NEURL1: variants seen among roughly 807,000 people sequenced by gnomAD.
NEURL1 encodes E3 ubiquitin-protein ligase NEURL1.
Under a neutral mutation model 41.2 loss-of-function variants are expected in NEURL1, and 26 were observed. The ratio of observed to expected loss-of-function variants is 0.63; its 90% CI spans 0.46 to 0.87. NEURL1 has a LOEUF of 0.87. Ranked by LOEUF, NEURL1 falls within the 40% of genes least tolerant of loss-of-function variation. NEURL1 has a pLI of 0.00. For missense variants in NEURL1, 761 were observed against 871.1 expected, an observed-to-expected ratio of 0.87 and a Z score of 1.59; for synonymous variants, 400 against 402.3, an observed-to-expected ratio of 0.99 and a Z score of 0.07.
intron 1 of NEURL1, among the ~76,000 whole-genome samples, chr10:103,522,899 T>G (rs1021354539): frequency 1.3e-5 from 2 of 152,068 alleles, no homozygotes; most frequent in African/African-American, 4.8e-5. Context: ...GCTTTTGAAT[T>G]TTTTAGGGGC....
intron 1 of NEURL1, among the ~76,000 whole-genome samples, chr10:103,505,462 TG>T (rs2033925715): frequency 6.6e-6 from 1 of 152,134 alleles, no homozygotes; most frequent in Non-Finnish European, 1.5e-5. Context: ...TGACCTCAGG[TG>T]ATCTGTCCAC....
intron 3 of NEURL1, among the ~76,000 whole-genome samples, 181 bp downstream of exon 3, chr10:103,572,003 C>T (rs984057076): frequency 6.6e-6 from 1 of 152,192 alleles, no homozygotes; most frequent in East Asian, 1.9e-4. Flanking sequence ...CCTCCAGGCC[C>T]GTGGCTTTGC....
At chr10:103,564,932 G>T (rs1206464921) in intron 1 of NEURL1, among the ~76,000 whole-genome samples, 1 of 152,126 alleles carries the variant, frequency 6.6e-6, no homozygotes, top group African/African-American at 2.4e-5. Context: ...GTAGGAGGGG[G>T]GTCACCCTGA....
intron 1 of NEURL1, among the ~76,000 whole-genome samples, chr10:103,512,984 C>G (rs1230882059): frequency 6.6e-6 from 1 of 152,066 alleles, no homozygotes; most frequent in African/African-American, 2.4e-5. Context: ...GTCTTTCTCT[C>G]TCCCTCTACC....
chr10:103,513,155 C>T (rs1037684698), intron 1 of NEURL1, among the ~76,000 whole-genome samples: 2 of 152,184 alleles, frequency 1.3e-5, no homozygotes, highest in Non-Finnish European at 2.9e-5. Context: ...GCAGCCCTCC[C>T]TGGCAGCCCC....
At chr10:103,570,314 A>C (rs537673110) in intron 1 of NEURL1, among the ~76,000 whole-genome samples, 1 of 152,194 alleles carries the variant, frequency 6.6e-6, no homozygotes, top group Non-Finnish European at 1.5e-5. Flanking sequence ...GCCACAGAGT[A>C]GAGGCCGCCC....
chr10:103,509,058 A>C (rs531841706), intron 1 of NEURL1, among the ~76,000 whole-genome samples: 1 of 152,254 alleles, frequency 6.6e-6, no homozygotes, highest in African/African-American at 2.4e-5. Context: ...GCGAAAGCCC[A>C]TCTCTATTAA....
At chr10:103,498,489 G>T (rs995769633) in intron 1 of NEURL1, among the ~76,000 whole-genome samples, 1 of 152,018 alleles carries the variant, frequency 6.6e-6, no homozygotes, top group Non-Finnish European at 1.5e-5. Flanking sequence ...GCCTCCCAAA[G>T]TGCTGGGATT....
chr10:103,586,291 C>G (rs990794772), intron 4 of NEURL1, among the ~76,000 whole-genome samples: 1 of 152,090 alleles, frequency 6.6e-6, no homozygotes, highest in Non-Finnish European at 1.5e-5. Context: ...CCAGAGTGAG[C>G]AGGTATTCAT....
Position 103,531,687 on chromosome 10 carries a change from C to CT in NEURL1, c.85+37227dup, listed in dbSNP as rs201833061. On this transcript the variant is annotated intron_variant, in intron 1 of 5. Coordinates refer to ENST00000369780, the MANE Select transcript of NEURL1 (RefSeq NM_004210.5). ...TGCATACTACCATTCCTGGCTTTTT[C>CT]TTTTTTTTTTTTAGTAGAGATGAAG... 4.1e-3 allele frequency among the ~76,000 whole-genome samples: 547 copies of CT among 133,938 alleles called. 3 individuals are homozygous for CT. The highest frequency in any genetic ancestry group is 9.8e-3 in the African/African-American group (357 of 36,348). 87.9% of individuals were successfully genotyped at this position (133,938 alleles called of 152,430 possible).
chr10:103,522,065 CAGG>C (rs1479671306), intron 1 of NEURL1, among the ~76,000 whole-genome samples: 1 of 151,924 alleles, frequency 6.6e-6, no homozygotes, highest in Non-Finnish European at 1.5e-5. Context: ...GCTTCTGAGC[CAGG>C]AGGAGGAATT....
At chr10:103,522,096 C>T (rs560700124) in intron 1 of NEURL1, among the ~76,000 whole-genome samples, 61 of 152,094 alleles carry the variant, frequency 4.0e-4, no homozygotes, top group Non-Finnish European at 7.4e-4. Flanking sequence ...GTTAATCACT[C>T]GGTTAAGGTG....
chr10:103,587,158 C>T (rs73324199), intron 4 of NEURL1, among the ~76,000 whole-genome samples: 1 of 151,926 alleles, frequency 6.6e-6, no homozygotes, highest in Non-Finnish European at 1.5e-5. Context: ...AGAAATTAGG[C>T]TGGGATGCAA....
intron 1 of NEURL1, among the ~76,000 whole-genome samples, chr10:103,502,738 G>A (rs2033852709): frequency 6.6e-6 from 1 of 152,330 alleles, no homozygotes; most frequent in African/African-American, 2.4e-5. Flanking sequence ...GAGGCAGGAC[G>A]AGCAAAAGCA....
chr10:103,577,645 C>T (rs2035693765), intron 3 of NEURL1: 2 of 152,234 alleles, frequency 1.3e-5, no homozygotes, highest in South Asian at 4.1e-4. Context: ...CCTCCTGTGC[C>T]TTCCAGAGTC....
chr10:103,570,553 C>T (rs1278290743), intron 1 of NEURL1, among the ~76,000 whole-genome samples: 1 of 135,444 alleles, frequency 7.4e-6, no homozygotes, highest in African/African-American at 2.8e-5. Context: ...GATGTGCTAC[C>T]ATGGTAGGTG....
At chr10:103,503,148 G>A (rs1028834714) in intron 1 of NEURL1, among the ~76,000 whole-genome samples, 3 of 152,212 alleles carry the variant, frequency 2.0e-5, no homozygotes, top group Non-Finnish European at 2.9e-5. Context: ...TGTGGGTCCC[G>A]CCTGGCCAGA....
At chr10:103,544,057 G>T (rs528986282) in intron 1 of NEURL1, among the ~76,000 whole-genome samples, 1 of 152,102 alleles carries the variant, frequency 6.6e-6, no homozygotes, top group African/African-American at 2.4e-5. Flanking sequence ...GGGCTGAGTC[G>T]GGCAGAGATG....
At chr10:103,523,983 C>G (rs1432058615) in intron 1 of NEURL1, among the ~76,000 whole-genome samples, 3 of 152,142 alleles carry the variant, frequency 2.0e-5, no homozygotes, top group African/African-American at 7.2e-5. Context: ...GGTCATATGG[C>G]AGTTCTGTTT....
Sources: allele counts gnomAD v4.1 joint callset (sites outside exome capture counted in the v4.1 genomes callset), GRCh38; gene constraint gnomAD v4.1.1; transcripts MANE v1.5; gene names NCBI Gene and HGNC (gene_info 2026-07-23, HGNC 2026-07-21).